The following KCNB2 variants were observed in gnomAD, a reference collection of about 807,000 sequenced individuals.
The protein encoded by KCNB2 is potassium voltage-gated channel subfamily B member 2.
A neutral mutation model predicts 61.5 loss-of-function variants in KCNB2; 15 were observed. That is an observed-to-expected ratio of 0.24 (90% confidence interval 0.16 to 0.38). The LOEUF (loss-of-function observed/expected upper bound fraction) is 0.38, where lower values mean the gene tolerates loss of function less well. KCNB2 is among the 10% of genes least tolerant of loss of function. KCNB2 has a pLI of 1.00. For missense variants in KCNB2, 828 were observed against 1,125.2 expected (o/e 0.74, Z 3.78); for synonymous variants, 457 against 446.0 (o/e 1.02, Z -0.31).
At chr8:72,667,405 C>T (rs1806494549) in intron 2 of KCNB2, among the ~76,000 whole-genome samples, 1 of 152,160 alleles carries the variant, frequency 6.6e-6, no homozygotes, top group Non-Finnish European at 1.5e-5. Context: ...ATCCTCTCAG[C>T]TTAGATGTTT....
intron 2 of KCNB2, among the ~76,000 whole-genome samples, chr8:72,760,372 T>C (rs936227973): frequency 6.6e-6 from 1 of 152,210 alleles, no homozygotes; most frequent in Non-Finnish European, 1.5e-5. Context: ...CTCTTTCCCA[T>C]TCATGCATAG....
At chr8:72,911,218 C>T (rs1806284799) in intron 2 of KCNB2, among the ~76,000 whole-genome samples, 1 of 152,196 alleles carries the variant, frequency 6.6e-6, no homozygotes, top group Non-Finnish European at 1.5e-5. Context: ...AGGGTCTTCT[C>T]AATGACTTTT....
intron 2 of KCNB2, among the ~76,000 whole-genome samples, chr8:72,710,461 T>C (rs1207784572): frequency 2.0e-5 from 3 of 150,184 alleles, no homozygotes; most frequent in Non-Finnish European, 4.5e-5. Flanking sequence ...ATGCTCTGCA[T>C]ATATATATAT....
chr8:72,650,015 G>A (rs145385773), intron 2 of KCNB2, among the ~76,000 whole-genome samples: 3 of 152,184 alleles, frequency 2.0e-5, no homozygotes, highest in East Asian at 1.9e-4. Flanking sequence ...GTGATCCAGC[G>A]TTCCACCTCA....
intron 2 of KCNB2, among the ~76,000 whole-genome samples, chr8:72,836,450 C>A (rs192524976): frequency 4.3e-4 from 66 of 152,332 alleles, no homozygotes; most frequent in African/African-American, 1.2e-3. Context: ...TGTTGCAAGT[C>A]ATGGTGCCAG....
In KCNB2 at chr8:72,932,934, T is replaced by G. The variant is rs144234089; in HGVS notation, c.580-3001T>G. ...TATTTATTGAATCATTTATCTAAAG[T>G]GCTGTCTTTCTGGGAGAACTCCAAG... On this transcript the variant is annotated intron_variant, in intron 2 of 2. Transcript: ENST00000523207. 5.1e-3 allele frequency among the ~76,000 whole-genome samples: 782 copies of G among 152,330 alleles called. 4 individuals are homozygous for G. The highest frequency in any genetic ancestry group is 0.014 in the African/African-American group (568 of 41,566).
At position 72,806,773 on chromosome 8, in the gene KCNB2, G is replaced by A. The variant is rs1019890221; in HGVS notation, c.580-129162G>A. On this transcript the variant is annotated intron_variant, in intron 2 of 2. Transcript: ENST00000523207. ...AGTGATGGGACAGGTAGTGGACAAG[G>A]ATGGGTCTTTAATGGAGCATATATT... 2.0e-5 allele frequency among the ~76,000 whole-genome samples: 3 copies of A among 152,186 alleles called. 1 individual carries two copies.
chr8:72,783,146 C>T (rs913715397), intron 2 of KCNB2, among the ~76,000 whole-genome samples: 11 of 152,234 alleles, frequency 7.2e-5, no homozygotes, highest in African/African-American at 2.6e-4. Flanking sequence ...CCTTTTGTTT[C>T]CACTTCACAA....
At chr8:72,647,266 A>G (rs1806143648) in intron 2 of KCNB2, among the ~76,000 whole-genome samples, 1 of 152,164 alleles carries the variant, frequency 6.6e-6, no homozygotes, top group South Asian at 2.1e-4. Flanking sequence ...TGAAGGAAAT[A>G]GATGGCCTTT....
intron 2 of KCNB2, among the ~76,000 whole-genome samples, chr8:72,662,131 G>A (rs1282329196): frequency 6.6e-6 from 1 of 152,128 alleles, no homozygotes; most frequent in African/African-American, 2.4e-5. Flanking sequence ...ATGACTATCA[G>A]TGCCACCACT....
chr8:72,654,624 A>G (rs772889427), intron 2 of KCNB2, among the ~76,000 whole-genome samples: 2 of 152,170 alleles, frequency 1.3e-5, no homozygotes, highest in Non-Finnish European at 1.5e-5. Flanking sequence ...AAAAATTTAG[A>G]TTCTTTGTAT....
intron 2 of KCNB2, among the ~76,000 whole-genome samples, chr8:72,773,390 G>A (rs932613311): frequency 6.6e-6 from 1 of 151,644 alleles, no homozygotes; most frequent in Non-Finnish European, 1.5e-5. Context: ...CTAATAGATT[G>A]TCAGAGATCT....
chr8:72,844,575 C>A (rs1585926808), intron 2 of KCNB2, among the ~76,000 whole-genome samples: 2 of 152,184 alleles, frequency 1.3e-5, no homozygotes, highest in South Asian at 2.1e-4. Context: ...TCAGGTATAC[C>A]AATCAAATGT....
chr8:72,889,901 A>G (rs765220714), intron 2 of KCNB2, among the ~76,000 whole-genome samples: 5 of 152,078 alleles, frequency 3.3e-5, no homozygotes, highest in Admixed American at 6.6e-5. Context: ...GATTACAGGC[A>G]TGTGCCAGCA....
At position 72,937,952 on chromosome 8, in the gene KCNB2, A is replaced by G; in HGVS notation, c.2597A>G (p.Asp866Gly). 1.2e-6 allele frequency: 2 copies of G among 1,614,142 alleles called. No homozygotes were observed. The highest frequency in any genetic ancestry group is 1.7e-6 in the Non-Finnish European group (2 of 1,180,010). Residue 866 changes from aspartate to glycine, a missense_variant, in exon 3 of 3, where the codon GAC (aspartate) becomes GGC (glycine). Asp to Gly is a moderately conservative substitution (Grantham distance 94, BLOSUM62 -1). Transcript: ENST00000523207. Reference sequence around the variant, plus strand: ...GACACAGGTCACAACTGTAGGCAAGACATTTACCATGCTGTGAGTGAAGTC... The same window carrying G: ...GACACAGGTCACAACTGTAGGCAAGGCATTTACCATGCTGTGAGTGAAGTC... ...PQDTGHNCRQDIYHAVSEVKK... is the reference protein window; with the variant it reads ...PQDTGHNCRQGIYHAVSEVKK...
intron 2 of KCNB2, among the ~76,000 whole-genome samples, chr8:72,625,292 TC>T (rs1443932153): frequency 2.0e-5 from 3 of 152,222 alleles, no homozygotes; most frequent in African/African-American, 7.2e-5. Context: ...AAGTCCCTGT[TC>T]TGAGGAGCTT....
chr8:72,595,129 G>A (rs1049951933), intron 2 of KCNB2, among the ~76,000 whole-genome samples: 4 of 151,842 alleles, frequency 2.6e-5, no homozygotes, highest in Non-Finnish European at 5.9e-5. Context: ...TTAGCAACAA[G>A]TCCTAACTCC....
chr8:72,725,607 A>ATGTATGTATG (rs1563572127), intron 2 of KCNB2, among the ~76,000 whole-genome samples: 1 of 123,310 alleles, frequency 8.1e-6, no homozygotes, highest in African/African-American at 3.7e-5. Flanking sequence ...ATATATATAT[A>ATGTATGTATG]TATATATATA....
intron 2 of KCNB2, among the ~76,000 whole-genome samples, chr8:72,640,039 A>G (rs1314521059): frequency 1.3e-5 from 2 of 151,658 alleles, no homozygotes; most frequent in African/African-American, 2.4e-5. Context: ...GGTCAAATGC[A>G]TCATTGCATG....
Sources: allele counts gnomAD v4.1 joint callset (sites outside exome capture counted in the v4.1 genomes callset), GRCh38; gene constraint gnomAD v4.1.1; transcripts MANE v1.5; gene names NCBI Gene and HGNC (gene_info 2026-07-23, HGNC 2026-07-21).